The following IL1RAP variants were observed in gnomAD, a reference collection of about 807,000 sequenced individuals.
IL1RAP encodes interleukin 1 receptor accessory protein.
Under a neutral mutation model 60.7 loss-of-function variants are expected in IL1RAP, and 35 were observed. That is an observed-to-expected ratio of 0.58 (90% CI 0.44 to 0.76). The LOEUF (loss-of-function observed/expected upper bound fraction) is 0.76. IL1RAP is among the 30% of genes least tolerant of loss of function. The pLI is 0.00. For missense variants in IL1RAP, 572 were observed against 693.9 expected (o/e 0.82, Z 1.97); for synonymous variants, 268 against 250.9 (o/e 1.07, Z -0.64).
At chr3:190,630,271 A>C (rs2108820430) in intron 9 of IL1RAP, 1 of 851,850 alleles carries the variant, frequency 1.2e-6, no homozygotes. Context: ...TCTTGTCAGA[A>C]GTGCTGCTCC....
chr3:190,541,911 A>G (rs1041606233), intron 1 of IL1RAP, among the ~76,000 whole-genome samples: 1 of 152,128 alleles, frequency 6.6e-6, no homozygotes, highest in Admixed American at 6.6e-5. Flanking sequence ...TTTAAAGATA[A>G]AGATGTTTTC....
At chr3:190,656,313 A>C, downstream of IL1RAP, 1 of 1,537,270 alleles carries the variant, frequency 6.5e-7, no homozygotes. Flanking sequence ...AGAGGGCTGC[A>C]GGTAGCCCTC....
intron 3 of IL1RAP, among the ~76,000 whole-genome samples, chr3:190,572,919 A>C (rs1727091422): frequency 2.5e-5 from 1 of 39,510 alleles, no homozygotes; most frequent in Admixed American, 3.2e-4. Flanking sequence ...GCTGGAGTGC[A>C]GTGGCGGGAT....
chr3:190,601,358 A>G (rs1729844377), intron 3 of IL1RAP, among the ~76,000 whole-genome samples: 1 of 152,242 alleles, frequency 6.6e-6, no homozygotes, highest in African/African-American at 2.4e-5. Flanking sequence ...AAAGAATGTG[A>G]TACTTTATAA....
chr3:190,583,376 A>C (rs539044679), intron 3 of IL1RAP, among the ~76,000 whole-genome samples: 1 of 152,236 alleles, frequency 6.6e-6, no homozygotes, highest in Non-Finnish European at 1.5e-5. Context: ...TTTGTATGAG[A>C]TAACAAGGTA....
intron 1 of IL1RAP, among the ~76,000 whole-genome samples, chr3:190,517,155 T>G (rs73058152): frequency 0.033 from 5,001 of 152,298 alleles, 146 homozygotes; most frequent in East Asian, 0.11. Context: ...TAAGAGGGTA[T>G]TTAAAGCAAT....
intron 1 of IL1RAP, chr3:190,518,548 A>G (rs1050386403): frequency 3.9e-5 from 6 of 152,184 alleles, no homozygotes; most frequent in Admixed American, 6.5e-5. Flanking sequence ...TGGCCTATGT[A>G]TTAGTCTGTG....
At chr3:190,655,543 TACTC>T (rs1186939734), downstream of IL1RAP, among the ~76,000 whole-genome samples, 19 of 149,620 alleles carry the variant, frequency 1.3e-4, no homozygotes, top group African/African-American at 2.5e-4. Flanking sequence ...TGAGGGTAGT[TACTC>T]AATTGCCCAC....
rs368654061 is a variant in IL1RAP, at chr3:190,583,113, G to A, written c.64+18760G>A. 6.6e-5 allele frequency among the ~76,000 whole-genome samples: 10 copies of A among 152,310 alleles called. No homozygotes were observed. In the East Asian group the frequency reaches 1.4e-3, roughly 21 times the overall value. On this transcript the variant is annotated intron_variant, in intron 3 of 11. Transcript: ENST00000447382. ...AATATATCCACTTTATACGCTGTAC[G>A]TCTTTTTCATGATAATCACTCCAAT... is the stretch of plus-strand genomic sequence containing the variant.
At chr3:190,558,319 G>T (rs1442780244) in intron 2 of IL1RAP, among the ~76,000 whole-genome samples, 1 of 152,078 alleles carries the variant, frequency 6.6e-6, no homozygotes, top group East Asian at 1.9e-4. Flanking sequence ...TGAGATTACT[G>T]GGTTGTATGG....
intron 6 of IL1RAP, among the ~76,000 whole-genome samples, chr3:190,621,205 A>G (rs1412006691): frequency 1.3e-5 from 2 of 152,232 alleles, no homozygotes; most frequent in African/African-American, 2.4e-5. Flanking sequence ...GCTCACTGAC[A>G]AGAAGTAACC....
At chr3:190,633,133 C>T (rs559316711) in intron 9 of IL1RAP, among the ~76,000 whole-genome samples, 5 of 151,974 alleles carry the variant, frequency 3.3e-5, no homozygotes, top group Admixed American at 1.3e-4. Context: ...TACATAAAGG[C>T]CTGATGATAT....
At position 190,650,075 on chromosome 3, in the gene IL1RAP, A is replaced by G. The variant is rs748206621; in HGVS notation, c.*1370A>G. Reference sequence around the variant, plus strand: ...ATGCACATGAAATATATATATATATATAATTTGTGTGTGTGTATGTGTATG... The same window carrying G: ...ATGCACATGAAATATATATATATATGTAATTTGTGTGTGTGTATGTGTATG... On this transcript the variant is annotated 3_prime_UTR_variant, in exon 12 of 12. Transcript: ENST00000447382. 188 of 683,402 alleles carry G rather than the reference A, an allele frequency of 2.8e-4. No homozygotes were observed. The highest frequency in any genetic ancestry group is 3.3e-4 in the Non-Finnish European group (182 of 555,222). The allele number at this position is 683,402 out of a possible 1,614,324, so 42.3% of individuals were successfully genotyped here. A position where few individuals can be genotyped will look rare whatever the true frequency, so the allele number is the denominator to read the frequency against.
intron 9 of IL1RAP, among the ~76,000 whole-genome samples, chr3:190,638,787 C>CTAT (rs1388825574): frequency 6.6e-6 from 1 of 151,892 alleles, no homozygotes; most frequent in African/African-American, 2.4e-5. Flanking sequence ...CCTTTCATAC[C>CTAT]GATATCCAGT....
At chr3:190,566,349 G>C (rs1387737878) in intron 3 of IL1RAP, among the ~76,000 whole-genome samples, 3 of 152,090 alleles carry the variant, frequency 2.0e-5, no homozygotes, top group African/African-American at 7.2e-5. Context: ...CCCTCATCCT[G>C]AAGGAAGAGG....
chr3:190,558,649 C>T (rs1031713535), intron 2 of IL1RAP, among the ~76,000 whole-genome samples: 1 of 152,048 alleles, frequency 6.6e-6, no homozygotes, highest in Non-Finnish European at 1.5e-5. Context: ...TATGATTCCT[C>T]CAACTTTATT....
intron 5 of IL1RAP, among the ~76,000 whole-genome samples, chr3:190,614,224 T>C (rs1731070868): frequency 6.6e-6 from 1 of 150,782 alleles, no homozygotes; most frequent in Non-Finnish European, 1.5e-5. Flanking sequence ...GTAAAGATGT[T>C]CTCTTTTAGT....
downstream of IL1RAP, chr3:190,656,098 G>A (rs374314382): frequency 3.9e-6 from 6 of 1,537,164 alleles, no homozygotes; most frequent in African/African-American, 4.1e-5. Context: ...CAAAGAGTCT[G>A]TGTCTTTTGT....
Position 190,546,533 on chromosome 3 carries a change from TAAAG to T in IL1RAP, c.-88-9593_-88-9590del, listed in dbSNP as rs768326290. 4.6e-5 allele frequency among the ~76,000 whole-genome samples: 7 copies of T among 152,358 alleles called. No individual in the cohort carries two copies. In the East Asian group the frequency reaches 1.2e-3, roughly 25 times the overall value. On this transcript the variant is annotated intron_variant, in intron 1 of 11. Coordinates refer to ENST00000447382, the MANE Select transcript of IL1RAP (RefSeq NM_002182.4). ...ACACAGCTACATAGCTTTGTAGAGT[TAAAG>T]AAATAATAAGAGCAGATACACTTTT...
Sources: allele counts gnomAD v4.1 joint callset (sites outside exome capture counted in the v4.1 genomes callset), GRCh38; gene constraint gnomAD v4.1.1; transcripts MANE v1.5; gene names NCBI Gene and HGNC (gene_info 2026-07-23, HGNC 2026-07-21).